The following CARD14 variants were observed in gnomAD, a reference collection of about 807,000 sequenced individuals.
The protein encoded by CARD14 is caspase recruitment domain family member 14, also known as caspase recruitment domain-containing protein 14.
Under a neutral mutation model 111.5 loss-of-function variants are expected in CARD14, and 107 were observed. That is an observed-to-expected ratio of 0.96 (90% CI 0.82 to 1.13). CARD14 has a LOEUF of 1.13. Among genes scored for constraint, CARD14 ranks in the 50% most tolerant of loss-of-function variants. CARD14 has a pLI of 0.00. For missense variants in CARD14, 1,322 were observed against 1,362.3 expected (o/e 0.97, Z 0.47); for synonymous variants, 617 against 579.6 (o/e 1.06, Z -0.93).
In CARD14 at chr17:80,201,492, AACCCCCGATCTCG is replaced by A. The variant is rs1176638524; in HGVS notation, c.1852-249_1852-237del. 7 of 520,524 alleles carry A rather than the reference AACCCCCGATCTCG, an allele frequency of 1.3e-5. No homozygotes were observed. The African/African-American group carries it at 1.4e-4, about 10-fold the overall frequency. The allele number at this position is 520,524 out of a possible 1,614,324, so 32.2% of individuals were successfully genotyped here. A position where few individuals can be genotyped will look rare whatever the true frequency, so the allele number is the denominator to read the frequency against. The stretch of plus-strand genomic sequence containing the variant: ...AGACAGGAAAGTGCTTATCACAAAG[AACCCCCGATCTCG>A]ACTGGGGAAGGGTTGGCAGTTGACT... On this transcript the variant is annotated intron_variant, in intron 16 of 23. Coordinates refer to ENST00000648509, the MANE Select transcript of CARD14 (RefSeq NM_001366385.1). This position sits in a 1 kb window ranked among gnomAD's most constrained non-coding sequence, Gnocchi z 5.0.
chr17:80,186,225 C>CTGA (rs2040339046), intron 7 of CARD14, among the ~76,000 whole-genome samples: 1 of 152,032 alleles, frequency 6.6e-6, no homozygotes, highest in Non-Finnish European at 1.5e-5. Context: ...TGACTTTGGA[C>CTGA]CAGGCCAGCC....
At chr17:80,177,714 TA>T (rs1232376245) in intron 2 of CARD14, among the ~76,000 whole-genome samples, 1 of 152,078 alleles carries the variant, frequency 6.6e-6, no homozygotes, top group Non-Finnish European at 1.5e-5. Context: ...AATTTTTTTT[TA>T]GCAGATTTTA....
Position 80,183,839 on chromosome 17 carries a change from C to T in CARD14, c.350-74C>T. On this transcript the variant is annotated intron_variant, in intron 6 of 23. Transcript: ENST00000648509. The stretch of plus-strand genomic sequence containing the variant: ...ACATGCTCACCTGCCCACCTGCTCA[C>T]CTGCTCACCTACCCACCTGCCCACC... 6 of 1,293,434 alleles carry T rather than the reference C, an allele frequency of 4.6e-6. No individual in the cohort carries two copies. The South Asian group carries it at 8.2e-5, about 18-fold the overall frequency. The allele number at this position is 1,293,434 out of a possible 1,614,324, so 80.1% of individuals were successfully genotyped here.
At position 80,198,051 on chromosome 17, in the gene CARD14, A is replaced by G. The variant is rs747836073; in HGVS notation, c.1595-48A>G. On this transcript the variant is annotated intron_variant, in intron 14 of 23. Coordinates refer to ENST00000648509, the MANE Select transcript of CARD14 (RefSeq NM_001366385.1). The surrounding 1 kb of genome is among the most constrained non-coding windows in gnomAD (Gnocchi z 7.5). The stretch of plus-strand genomic sequence containing the variant: ...GTTACAGGAGGTTACAGGACGCCCC[A>G]TCAGCAGTGGGGTGACCAAGATCTG... 1 of 1,600,674 alleles carries G rather than the reference A, an allele frequency of 6.2e-7. No homozygotes were observed. The highest frequency in any genetic ancestry group is 8.6e-7 in the Non-Finnish European group (1 of 1,168,964).
In CARD14 at chr17:80,204,308, G is replaced by A. The variant is rs776656556; in HGVS notation, c.2365G>A (p.Asp789Asn). Residue 789 changes from aspartate (D) to asparagine (N), a missense_variant, in exon 20 of 24, where the codon GAC becomes AAC. Physicochemically the swap from Asp to Asn is conservative, Grantham distance 23 (BLOSUM62 1). Transcript: ENST00000648509. ...AKASPLRLSFDRGQLDPSRME... is the reference protein window; with the variant it reads ...AKASPLRLSFNRGQLDPSRME... ...GGCCAGCCCTCTGCGTTTGTCCTTT[G>A]ACAGGGGCCAGTTGGACCCCAGCAG... The A allele has an allele frequency of 3.1e-6, 5 of 1,594,094 alleles. No individual in the cohort carries two copies. In the South Asian group the frequency reaches 5.6e-5, roughly 18 times the overall value.
At position 80,182,915 on chromosome 17, in the gene CARD14, G is replaced by T. The variant is rs553260220; in HGVS notation, c.349+125G>T. 6.9e-6 allele frequency: 8 copies of T among 1,162,038 alleles called. No individual in the cohort carries two copies. In the Admixed American group the frequency reaches 1.5e-4, roughly 22 times the overall value. The allele number at this position is 1,162,038 out of a possible 1,614,324, so 72.0% of individuals were successfully genotyped here. A position where few individuals can be genotyped will look rare whatever the true frequency, so the allele number is the denominator to read the frequency against. ...CCCTTCCCTCCAGGCTGCAGTTCCT[G>T]TCCCAGCCCCAGCACTCTGAGGGTG... On this transcript the variant is annotated intron_variant, in intron 6 of 23. Transcript: ENST00000648509. The surrounding 1 kb of genome is among the most constrained non-coding windows in gnomAD (Gnocchi z 4.7).
chr17:80,179,648 C>T (rs774554859), intron 4 of CARD14, among the ~76,000 whole-genome samples: 24 of 152,166 alleles, frequency 1.6e-4, no homozygotes, highest in Non-Finnish European at 2.5e-4. Context: ...GCCTGAGCAA[C>T]ATACGGAGAT....
In CARD14 at chr17:80,198,255, G is replaced by A; in HGVS notation, c.1658+93G>A. Reference sequence around the variant, plus strand: ...GGTGAGTGTCCTATTACCAATGGGAGGCAACAGCCTTTCCAAGCACATGGG... The same window carrying A: ...GGTGAGTGTCCTATTACCAATGGGAAGCAACAGCCTTTCCAAGCACATGGG... On this transcript the variant is annotated intron_variant, in intron 15 of 23. Transcript: ENST00000648509. The surrounding 1 kb of genome is among the most constrained non-coding windows in gnomAD (Gnocchi z 7.5). 6.4e-7 allele frequency: 1 copy of A among 1,559,176 alleles called. No individual in the cohort carries two copies. The highest frequency in any genetic ancestry group is 8.8e-7 in the Non-Finnish European group (1 of 1,133,670).
intron 2 of CARD14, among the ~76,000 whole-genome samples, chr17:80,173,749 C>A (rs932515108): frequency 3.9e-5 from 6 of 151,976 alleles, no homozygotes; most frequent in African/African-American, 1.5e-4. Context: ...CAGGCACACA[C>A]CACCACACCT....
intron 20 of CARD14, 134 bp downstream of exon 20, chr17:80,204,475 G>C (rs2041166982): frequency 1.2e-6 from 1 of 847,268 alleles, no homozygotes; most frequent in Non-Finnish European, 1.8e-6. Context: ...CAAGAATCAT[G>C]GGGCTGGGTG....
At position 80,181,484 on chromosome 17, in the gene CARD14, G is replaced by A. The variant is rs1470342016; in HGVS notation, c.46G>A (p.Glu16Lys). The A allele has an allele frequency of 4.4e-6, 7 of 1,589,316 alleles. No individual in the cohort carries two copies. The highest frequency in any genetic ancestry group is 1.3e-5 in the African/African-American group (1 of 74,416). ...RRDSALTALD[E>K]ETLWEMMESH... ...GGACTCCGCACTCACGGCACTGGACGAGGAGACACTGTGGGAGATGATGGA... is the reference window on the plus strand; with the variant it reads ...GGACTCCGCACTCACGGCACTGGACAAGGAGACACTGTGGGAGATGATGGA... Residue 16 changes from glutamate to lysine, a missense_variant, in exon 5 of 24, where the codon GAG becomes AAG. Coordinates refer to ENST00000648509, the MANE Select transcript of CARD14 (RefSeq NM_001366385.1).
Position 80,195,594 on chromosome 17 carries a change from C to A in CARD14, c.1536C>A (p.Ala512=), listed in dbSNP as rs1197253717. 3 of 1,613,128 alleles carry A rather than the reference C, an allele frequency of 1.9e-6. No individual in the cohort carries two copies. Among genetic ancestry groups the A allele is most frequent in the Non-Finnish European group, 2.5e-6 (3 of 1,179,876 alleles). The part of the protein sequence containing the change: ...CLEIPEGDPG[A]LPGAKAGDPH... ...AGATCCCGGAGGGAGACCCGGGAGC[C>A]CTGCCGGGAGCTAAGGCAGGCGACC... The change falls in exon 14 of 24, where the codon GCC becomes GCA. Residue 512 remains alanine (A), a synonymous_variant. Transcript: ENST00000648509. This position sits in a 1 kb window ranked among gnomAD's most constrained non-coding sequence, Gnocchi z 4.7.
intron 14 of CARD14, among the ~76,000 whole-genome samples, chr17:80,197,827 T>C (rs1318515455): frequency 6.6e-6 from 1 of 152,192 alleles, no homozygotes; most frequent in East Asian, 1.9e-4. Flanking sequence ...TCCTCACTAG[T>C]TACAGTGATT....
At chr17:80,200,229 ATTTT>A (rs373332962) in intron 16 of CARD14, among the ~76,000 whole-genome samples, 3 of 74,430 alleles carry the variant, frequency 4.0e-5, no homozygotes, top group South Asian at 1.1e-3. Flanking sequence ...TTTACATGTC[ATTTT>A]TTTTTTTTTT....
chr17:80,192,241 C>G lies in CARD14; in HGVS notation c.1240-262C>G, dbSNP rs144502997. 680 of 362,826 alleles carry G rather than the reference C, an allele frequency of 1.9e-3. 7 individuals are homozygous for G. The highest frequency in any genetic ancestry group is 0.013 in the African/African-American group (638 of 48,436). The allele number at this position is 362,826 out of a possible 1,614,324, so 22.5% of individuals were successfully genotyped here. A position where few individuals can be genotyped will look rare whatever the true frequency, so the allele number is the denominator to read the frequency against. On this transcript the variant is annotated intron_variant, in intron 11 of 23. Transcript: ENST00000648509. ...GTATGTGTGTGTATTATACATTATTCGTAAAACTAGTAAATCACACATATT... is the reference window on the plus strand; with the variant it reads ...GTATGTGTGTGTATTATACATTATTGGTAAAACTAGTAAATCACACATATT...
rs561751425 is a variant in CARD14 at position 80,191,207 on chromosome 17, C to T, written c.1090-116C>T. On this transcript the variant is annotated intron_variant, in intron 10 of 23. Transcript: ENST00000648509. ...TGAATCTTAAGTTTGCACAGCTCAG[C>T]GTGGGCCATTTAGTGGATGTCAGAT... The T allele has an allele frequency of 1.2e-5, 15 of 1,265,490 alleles. No homozygotes were observed. In the Admixed American group the frequency reaches 2.1e-4, roughly 18 times the overall value. 78.4% of individuals were successfully genotyped at this position (1,265,490 alleles called of 1,614,324 possible). A position where few individuals can be genotyped will look rare whatever the true frequency, so the allele number is the denominator to read the frequency against.
rs1217927954 is a variant in CARD14, at chr17:80,203,886, G to C, written c.2283+1G>C. 1 of 1,594,528 alleles carries C rather than the reference G, an allele frequency of 6.3e-7. No individual in the cohort carries two copies. Among genetic ancestry groups the C allele is most frequent in the Admixed American group, 1.8e-5 (1 of 57,112 alleles). Reference sequence around the variant, plus strand: ...TCAGCAGTGCACCGTGACCCGCAAGGTGAGGCTCCAGGGAGGGGCCTGGAC... The same window carrying C: ...TCAGCAGTGCACCGTGACCCGCAAGCTGAGGCTCCAGGGAGGGGCCTGGAC... On this transcript the variant is annotated splice_donor_variant, in intron 19 of 23. Transcript: ENST00000648509. LOFTEE classifies it high-confidence loss of function. The surrounding 1 kb of genome is among the most constrained non-coding windows in gnomAD (Gnocchi z 4.6).
intron 14 of CARD14, chr17:80,196,265 C>G (rs1423119285): frequency 1.3e-5 from 2 of 152,256 alleles, no homozygotes; most frequent in African/African-American, 4.8e-5. Flanking sequence ...ACCCCATGGC[C>G]ACCAGGGGGC....
chr17:80,189,658 G>T lies in CARD14; in HGVS notation c.844-95G>T. ...CAAGACTGCATCCGTCCACACACCT[G>T]ACCGTGCAGTTGCCGCCATCTTCTC... On this transcript the variant is annotated intron_variant, in intron 8 of 23. Transcript: ENST00000648509. The surrounding 1 kb of genome is among the most constrained non-coding windows in gnomAD (Gnocchi z 4.7). 7.3e-7 allele frequency: 1 copy of T among 1,377,664 alleles called. No homozygotes were observed. Among genetic ancestry groups the T allele is most frequent in the South Asian group, 1.6e-5 (1 of 61,048 alleles). The allele number at this position is 1,377,664 out of a possible 1,614,324, so 85.3% of individuals were successfully genotyped here.
Sources: gnomAD v4.1 joint callset for allele counts (sites outside exome capture counted in the v4.1 genomes callset) on GRCh38, gnomAD v4.1.1 for gene constraint, Gnocchi (gnomAD v3.1) non-coding constraint, MANE v1.5 for transcripts, NCBI Gene and HGNC (gene_info 2026-07-23, HGNC 2026-07-21) for gene names.